The following DRG2 variants were observed in gnomAD, a reference collection of about 807,000 sequenced individuals.
DRG2 encodes developmentally regulated GTP binding protein 2.
In DRG2, 36 loss-of-function variants were observed where a neutral mutation model predicts 53.4. The ratio of observed to expected loss-of-function variants is 0.67; its 90% CI spans 0.52 to 0.89. DRG2 has a LOEUF of 0.89. Among genes scored for constraint, DRG2 ranks in the 40% least tolerant of loss-of-function variants. DRG2 has a pLI of 0.00. For missense variants in DRG2, 342 were observed against 481.2 expected, an observed-to-expected ratio of 0.71 and a Z score of 2.71; for synonymous variants, 167 against 192.1, an observed-to-expected ratio of 0.87 and a Z score of 1.08.
rs771210901 is a variant in DRG2, at chr17:18,093,898, C to T, written c.150C>T (p.Ser50=). 3 of 1,614,202 alleles carry T rather than the reference C, an allele frequency of 1.9e-6. No homozygotes were observed. The highest frequency in any genetic ancestry group is 2.5e-6 in the Non-Finnish European group (3 of 1,180,040). The change falls in exon 2 of 13, where the codon TCC becomes TCT. Residue 50 remains serine, a synonymous_variant. Transcript: ENST00000225729. ...QLLEPSKSAS[S]KGEGFDVMKS... is the part of the protein sequence containing the mutation. The stretch of plus-strand genomic sequence containing the variant: ...TGGAACCGTCCAAATCGGCCTCGTC[C>T]AAAGGAGAGGGCTTTGATGTCATGA...
chr17:18,095,387 C>CTTTTT (rs1175868477), intron 2 of DRG2: 1 of 89,824 alleles, frequency 1.1e-5, no homozygotes, highest in African/African-American at 4.5e-5. Flanking sequence ...CTGATCGGCT[C>CTTTTT]TTTTTTTTTT....
At position 18,098,187 on chromosome 17, in the gene DRG2, A is replaced by C. The variant is rs950620627; in HGVS notation, c.226-83A>C. 7.7e-6 allele frequency: 9 copies of C among 1,167,370 alleles called. No homozygotes were observed. In the African/African-American group the frequency reaches 9.2e-5, roughly 12 times the overall value. 72.3% of individuals were successfully genotyped at this position (1,167,370 alleles called of 1,614,324 possible). ...GAGAGGGTCTCCTCCTGCTGCCTGCACCTGCAGGCCCCCAGCCCCTGGGGC... is the reference window on the plus strand; with the variant it reads ...GAGAGGGTCTCCTCCTGCTGCCTGCCCCTGCAGGCCCCCAGCCCCTGGGGC... On this transcript the variant is annotated intron_variant, in intron 2 of 12. Transcript: ENST00000225729. The surrounding 1 kb of genome is among the most constrained non-coding windows in gnomAD (Gnocchi z 4.1).
intron 12 of DRG2, 137 bp downstream of exon 12, chr17:18,106,623 C>T: frequency 1.0e-6 from 1 of 967,296 alleles, no homozygotes; most frequent in Non-Finnish European, 1.6e-6. Context: ...TGTGTCTGTC[C>T]TCCATAGAAT....
chr17:18,099,966 G>A lies in DRG2; in HGVS notation c.467+243G>A. On this transcript the variant is annotated intron_variant, in intron 5 of 12. Coordinates refer to ENST00000225729, the MANE Select transcript of DRG2 (RefSeq NM_001388.5). The surrounding 1 kb of genome is among the most constrained non-coding windows in gnomAD (Gnocchi z 4.4). ...GGGGCTTGGCCTGGCCCTGCTTCCT[G>A]TTCAGAGGCACAGGTGCCTCATCAC... 1.7e-6 allele frequency: 1 copy of A among 595,614 alleles called. No individual in the cohort carries two copies. Among genetic ancestry groups the A allele is most frequent in the South Asian group, 2.0e-5 (1 of 49,916 alleles). 36.9% of individuals were successfully genotyped at this position (595,614 alleles called of 1,614,324 possible).
chr17:18,102,659 T>C (rs1276795311), intron 9 of DRG2, among the ~76,000 whole-genome samples: 6 of 148,996 alleles, frequency 4.0e-5, no homozygotes, highest in Non-Finnish European at 7.4e-5. Flanking sequence ...CTTAACTTAG[T>C]AGTGAACCAA....
chr17:18,098,865 G>C lies in DRG2; in HGVS notation c.316-152G>C, dbSNP rs2045477635. 1 of 775,550 alleles carries C rather than the reference G, an allele frequency of 1.3e-6. No individual in the cohort carries two copies. Among genetic ancestry groups the C allele is most frequent in the African/African-American group, 1.7e-5 (1 of 58,018 alleles). The allele number at this position is 775,550 out of a possible 1,614,324, so 48.0% of individuals were successfully genotyped here. On this transcript the variant is annotated intron_variant, in intron 3 of 12. Transcript: ENST00000225729. The surrounding 1 kb of genome is among the most constrained non-coding windows in gnomAD (Gnocchi z 4.1). ...AGGCTGTGGTCTGCACTGGGCTGGGGTGGTGACAAGGCTCAGACTTGGCCA... is the reference window on the plus strand; with the variant it reads ...AGGCTGTGGTCTGCACTGGGCTGGGCTGGTGACAAGGCTCAGACTTGGCCA...
At chr17:18,094,974 C>CAA (rs1165321853) in intron 2 of DRG2, among the ~76,000 whole-genome samples, 1,906 of 25,298 alleles carry the variant, frequency 0.075, 401 homozygotes, top group Non-Finnish European at 0.1. Context: ...AACTCCATCT[C>CAA]AAAAAAAAAA....
chr17:18,100,415 A>G lies in DRG2; in HGVS notation c.520A>G (p.Lys174Glu). 6.2e-7 allele frequency: 1 copy of G among 1,614,222 alleles called. No individual in the cohort carries two copies. Among genetic ancestry groups the G allele is most frequent in the Non-Finnish European group, 8.5e-7 (1 of 1,180,030 alleles). Residue 174 changes from lysine (K) to glutamate (E), a missense_variant, in exon 6 of 13, where the codon AAG becomes GAG. Transcript: ENST00000225729. The surrounding 1 kb of genome is among the most constrained non-coding windows in gnomAD (Gnocchi z 4.1). The stretch of plus-strand genomic sequence containing the variant: ...TGTGGGCATCCGCCTCAACAAGCAC[A>G]AGCCTAACATCTACTTCAAGGTGAG... Reference protein sequence around the residue: ...ESVGIRLNKHKPNIYFKPKKG... With the variant: ...ESVGIRLNKHEPNIYFKPKKG...
chr17:18,103,578 C>T lies in DRG2; in HGVS notation c.807-223C>T, dbSNP rs1375834072. On this transcript the variant is annotated intron_variant, in intron 9 of 12. Coordinates refer to ENST00000225729, the MANE Select transcript of DRG2 (RefSeq NM_001388.5). The surrounding 1 kb of genome is among the most constrained non-coding windows in gnomAD (Gnocchi z 4.4). ...CCACAGAGCACAGGCTTGCCAGCCC[C>T]TAGGAGAGATGCTGACCCTGGTTGA... is the stretch of plus-strand genomic sequence containing the variant. Among the ~76,000 whole-genome samples the T allele has an allele frequency of 6.6e-6, 1 of 152,210 alleles. No individual in the cohort carries two copies. The highest frequency in any genetic ancestry group is 1.5e-5 in the Non-Finnish European group (1 of 68,028).
At chr17:18,091,683 C>A (rs2045336490) in intron 1 of DRG2, among the ~76,000 whole-genome samples, 1 of 151,774 alleles carries the variant, frequency 6.6e-6, no homozygotes, top group Non-Finnish European at 1.5e-5. Context: ...ATGGAGAAAC[C>A]CCATCTCCAT....
In DRG2 at chr17:18,103,908, A is replaced by C; in HGVS notation, c.895+19A>C. The C allele has an allele frequency of 6.2e-7, 1 of 1,612,750 alleles. No homozygotes were observed. Among genetic ancestry groups the C allele is most frequent in the Non-Finnish European group, 8.5e-7 (1 of 1,178,916 alleles). On this transcript the variant is annotated intron_variant, in intron 10 of 12. Transcript: ENST00000225729. The surrounding 1 kb of genome is among the most constrained non-coding windows in gnomAD (Gnocchi z 4.4). ...AGAGGACGTGAGTTGCACTGCGCGT[A>C]GCTGAAAAACAGGCTGAGCTTCATC...
chr17:18,102,543 C>T (rs2045556668), intron 9 of DRG2, among the ~76,000 whole-genome samples: 1 of 147,962 alleles, frequency 6.8e-6, no homozygotes, highest in Non-Finnish European at 1.5e-5. Context: ...ATCACTTGAA[C>T]CCGGGAGGTG....
At chr17:18,101,643 C>A in intron 8 of DRG2, 53 bp downstream of exon 8, 1 of 1,552,338 alleles carries the variant, frequency 6.4e-7, no homozygotes, top group Non-Finnish European at 8.9e-7. Flanking sequence ...CTACCACATG[C>A]ATTTCCTCAG....
rs761102334 is a variant in DRG2 at position 18,101,935 on chromosome 17, C to A, written c.744C>A (p.Ile248=). The A allele has an allele frequency of 2.5e-6, 4 of 1,612,354 alleles. No individual in the cohort carries two copies. The highest frequency in any genetic ancestry group is 1.7e-5 in the Admixed American group (1 of 59,916). The change falls in exon 9 of 13, where the codon ATC becomes ATA. Residue 248 remains isoleucine, a synonymous_variant. Transcript: ENST00000225729. ...CTCAATCTCAGGTTTATAACAAAATCGACCAGATCTCCATGGAAGAGGTGG... is the reference window on the plus strand; with the variant it reads ...CTCAATCTCAGGTTTATAACAAAATAGACCAGATCTCCATGGAAGAGGTGG... ...YMPCLYVYNK[I]DQISMEEVDR...
chr17:18,090,758 C>T (rs1421553939), intron 1 of DRG2, among the ~76,000 whole-genome samples: 6 of 150,362 alleles, frequency 4.0e-5, no homozygotes, highest in African/African-American at 1.2e-4. Flanking sequence ...TAGTCTTGAA[C>T]TCCCAGCCTC....
At chr17:18,093,699 TCTC>T in intron 1 of DRG2, 111 bp from the exon 2 acceptor site, 1 of 1,234,568 alleles carries the variant, frequency 8.1e-7, no homozygotes, top group Non-Finnish European at 1.1e-6. Context: ...TTTCTCCTGA[TCTC>T]CTTGACAGCA....
In DRG2 at chr17:18,103,912, G is replaced by C; in HGVS notation, c.895+23G>C. 1 of 1,611,260 alleles carries C rather than the reference G, an allele frequency of 6.2e-7. No individual in the cohort carries two copies. The highest frequency in any genetic ancestry group is 8.5e-7 in the Non-Finnish European group (1 of 1,177,562). ...GACGTGAGTTGCACTGCGCGTAGCT[G>C]AAAAACAGGCTGAGCTTCATCCCTA... On this transcript the variant is annotated intron_variant, in intron 10 of 12. Coordinates refer to ENST00000225729, the MANE Select transcript of DRG2 (RefSeq NM_001388.5). The surrounding 1 kb of genome is among the most constrained non-coding windows in gnomAD (Gnocchi z 4.4).
At chr17:18,094,098 C>A in intron 2 of DRG2, 125 bp downstream of exon 2, 1 of 1,315,058 alleles carries the variant, frequency 7.6e-7, no homozygotes. Flanking sequence ...CCTGGCCTCC[C>A]CCAGGGTCAG....
chr17:18,094,042 A>G, intron 2 of DRG2, 69 bp downstream of exon 2: 2 of 1,561,202 alleles, frequency 1.3e-6, no homozygotes, highest in East Asian at 2.3e-5. Flanking sequence ...GTGACCATCC[A>G]GGCTCCCCTC....
Sources: gnomAD v4.1 joint callset for allele counts (sites outside exome capture counted in the v4.1 genomes callset) on GRCh38, gnomAD v4.1.1 for gene constraint, Gnocchi (gnomAD v3.1) non-coding constraint, MANE v1.5 for transcripts, NCBI Gene and HGNC (gene_info 2026-07-23, HGNC 2026-07-21) for gene names.